The following ARK2N variants were observed in gnomAD, a reference collection of about 807,000 sequenced individuals.
ARK2N encodes arkadia (RNF111) N-terminal like PKA signaling regulator 2N, also known as protein ARK2N.
chr18:46,185,018 A>G, the ARK2N span, among the ~76,000 whole-genome samples: 5 of 152,258 alleles, frequency 3.3e-5, no homozygotes, highest in Non-Finnish European at 5.9e-5. Context: ...GGTTTTATGT[A>G]GAAAGAAAAG....
chr18:46,255,304 G>T, the ARK2N span, among the ~76,000 whole-genome samples: 1 of 152,124 alleles, frequency 6.6e-6, no homozygotes, highest in South Asian at 2.1e-4. Context: ...GGCTTTTTCA[G>T]AACTAGTCTT....
chr18:46,215,041 A>G, the ARK2N span, among the ~76,000 whole-genome samples: 1 of 152,182 alleles, frequency 6.6e-6, no homozygotes, highest in Non-Finnish European at 1.5e-5. Context: ...TGTAGGGGCC[A>G]GGCACGGTGG....
the ARK2N span, among the ~76,000 whole-genome samples, chr18:46,251,886 C>G: frequency 3.9e-5 from 6 of 152,222 alleles, no homozygotes; most frequent in South Asian, 1.2e-3. Flanking sequence ...TCAAGGGTGA[C>G]AGGAGTATGA....
the ARK2N span, chr18:46,264,735 CTTTTTTT>C: frequency 5.3e-5 from 7 of 133,236 alleles, no homozygotes; most frequent in Non-Finnish European, 6.4e-5. Context: ...TCATCTTCTT[CTTTTTTT>C]TTTTTTTTTG....
At chr18:46,257,951 G>C in the ARK2N span, among the ~76,000 whole-genome samples, 4 of 149,860 alleles carry the variant, frequency 2.7e-5, no homozygotes, top group African/African-American at 7.4e-5. Flanking sequence ...TTTTGAGATG[G>C]AGTCTCGCCC....
the ARK2N span, among the ~76,000 whole-genome samples, chr18:46,261,098 G>C: frequency 1.3e-5 from 2 of 152,184 alleles, no homozygotes; most frequent in Admixed American, 6.5e-5. Context: ...TTTCTAGCCA[G>C]CTTTACTTCA....
the ARK2N span, among the ~76,000 whole-genome samples, chr18:46,241,262 C>T: frequency 3.3e-5 from 5 of 152,194 alleles, no homozygotes; most frequent in African/African-American, 1.2e-4. Context: ...GGAACTGAAC[C>T]TGAATTTAGT....
the ARK2N span, among the ~76,000 whole-genome samples, chr18:46,260,683 C>G: frequency 1.3e-5 from 2 of 152,200 alleles, no homozygotes; most frequent in African/African-American, 4.8e-5. Flanking sequence ...CAGACACTTT[C>G]TAAACTCTTC....
At chr18:46,216,286 G>A in the ARK2N span, 1 of 1,613,980 alleles carries the variant, frequency 6.2e-7, no homozygotes, top group Non-Finnish European at 8.5e-7. This position sits in a 1 kb window ranked among gnomAD's most constrained non-coding sequence, Gnocchi z 4.3. Flanking sequence ...TGGTGCCACA[G>A]TTGGGCGCAA....
the ARK2N span, among the ~76,000 whole-genome samples, chr18:46,236,851 T>C: frequency 6.6e-6 from 1 of 151,430 alleles, no homozygotes; most frequent in South Asian, 2.1e-4. Context: ...GTTGTTGTTG[T>C]TGTTGTTTGT....
the ARK2N span, among the ~76,000 whole-genome samples, chr18:46,224,145 T>A: frequency 1.3e-5 from 2 of 152,258 alleles, no homozygotes; most frequent in Admixed American, 1.3e-4. Context: ...AGTGCTGGAT[T>A]ATGTGTTAAC....
chr18:46,194,338 C>T, the ARK2N span, among the ~76,000 whole-genome samples: 1 of 151,882 alleles, frequency 6.6e-6, no homozygotes, highest in Non-Finnish European at 1.5e-5. Context: ...CGGGGGCTCA[C>T]GCCTGTAATC....
At chr18:46,196,154 A>G in the ARK2N span, among the ~76,000 whole-genome samples, 11 of 145,976 alleles carry the variant, frequency 7.5e-5, no homozygotes, top group African/African-American at 2.0e-4. Context: ...CTAATTTTGT[A>G]TTTTTAGTAG....
chr18:46,208,102 G>T, the ARK2N span, among the ~76,000 whole-genome samples: 167 of 152,312 alleles, frequency 1.1e-3, no homozygotes, highest in African/African-American at 3.8e-3. Flanking sequence ...CAGTCTTTAA[G>T]TTCATGGCTA....
chr18:46,214,703 A>G, the ARK2N span, among the ~76,000 whole-genome samples: 3 of 152,240 alleles, frequency 2.0e-5, no homozygotes, highest in African/African-American at 7.2e-5. Context: ...TAAATTTAGC[A>G]TACAAAGTGT....
chr18:46,238,131 A>C, the ARK2N span, among the ~76,000 whole-genome samples: 3 of 152,298 alleles, frequency 2.0e-5, no homozygotes, highest in East Asian at 3.9e-4. Flanking sequence ...ATGATTATAC[A>C]TGTAGGAGTG....
At chr18:46,183,028 T>C in the ARK2N span, among the ~76,000 whole-genome samples, 1 of 152,072 alleles carries the variant, frequency 6.6e-6, no homozygotes, top group South Asian at 2.1e-4. Context: ...GCACTCCAGT[T>C]TCCCAGTCAG....
the ARK2N span, among the ~76,000 whole-genome samples, chr18:46,175,109 T>C: frequency 6.7e-6 from 1 of 149,656 alleles, no homozygotes; most frequent in Non-Finnish European, 1.5e-5. Flanking sequence ...TTTAAAATTG[T>C]CCACCCCCCC....
chr18:46,182,585 A>G, the ARK2N span, among the ~76,000 whole-genome samples: 2 of 152,116 alleles, frequency 1.3e-5, no homozygotes, highest in African/African-American at 2.4e-5. Flanking sequence ...CTCTATTAAA[A>G]AATTATTTTT....
Sources: allele counts gnomAD v4.1 joint callset (sites outside exome capture counted in the v4.1 genomes callset), GRCh38; gene constraint gnomAD v4.1.1; non-coding constraint Gnocchi (gnomAD v3.1); transcripts MANE v1.5; gene names NCBI Gene and HGNC (gene_info 2026-07-23, HGNC 2026-07-21).